NINL: variants seen among roughly 807,000 people sequenced by gnomAD.
NINL encodes ninein-like protein.
Under a neutral mutation model 160.3 loss-of-function variants are expected in NINL, and 153 were observed. The observed-to-expected ratio is 0.95, with a 90% CI of 0.84 to 1.09. The LOEUF is 1.09. Among genes scored for constraint, NINL ranks in the 50% least tolerant of loss-of-function variants. The pLI, the probability that NINL is intolerant of heterozygous loss-of-function variation, is 0.00. For missense variants in NINL, 1,829 were observed against 1,764.0 expected (o/e 1.04, Z -0.66); for synonymous variants, 800 against 734.8 (o/e 1.09, Z -1.43).
chr20:25,499,887 A>G (rs961039093), intron 8 of NINL, among the ~76,000 whole-genome samples: 50 of 149,208 alleles, frequency 3.4e-4, no homozygotes, highest in African/African-American at 1.2e-3. Context: ...CAGATTTATC[A>G]TAGGAAAAGC....
At chr20:25,551,747 G>C (rs965185594) in intron 1 of NINL, among the ~76,000 whole-genome samples, 1 of 152,206 alleles carries the variant, frequency 6.6e-6, no homozygotes, top group Non-Finnish European at 1.5e-5. Flanking sequence ...GGGAATGGAG[G>C]AGAGTCAAGC....
chr20:25,461,608 C>T lies in NINL; in HGVS notation c.3610G>A (p.Glu1204Lys), dbSNP rs780320692. The T allele has an allele frequency of 4.3e-6, 7 of 1,612,572 alleles. No homozygotes were observed. The African/African-American group carries it at 8.0e-5, about 18-fold the overall frequency. The change falls in exon 21 of 24, where the codon GAA becomes AAA. Residue 1204 changes from glutamate (E) to lysine (K), a missense_variant. By Grantham distance (56) the Glu-to-Lys change is moderately conservative (BLOSUM62 1). Transcript: ENST00000278886. Reference sequence around the variant, plus strand: ...TGTTCCTGATTCAGGCATTCAAGTTCAACTCTAAGTTTTTGGATTTGGTCA... The same window carrying T: ...TGTTCCTGATTCAGGCATTCAAGTTTAACTCTAAGTTTTTGGATTTGGTCA... The part of the protein sequence containing the change: ...QSDQIQKLRV[E>K]LECLNQEHQS...
chr20:25,512,830 C>T lies in NINL; in HGVS notation c.450+4G>A. ...AGCTGGGGTGGGAGAGGGGCCTGAC[C>T]CACCTCCACGCTCTCCAGAGACGCT... On this transcript the variant is annotated splice_donor_region_variant and intron_variant, in intron 4 of 23. Transcript: ENST00000278886. 1 of 1,605,262 alleles carries T rather than the reference C, an allele frequency of 6.2e-7. No individual in the cohort carries two copies. Among genetic ancestry groups the T allele is most frequent in the South Asian group, 1.1e-5 (1 of 90,312 alleles).
chr20:25,567,257 G>A (rs183625933), intron 1 of NINL, among the ~76,000 whole-genome samples: 40 of 152,300 alleles, frequency 2.6e-4, no homozygotes, highest in African/African-American at 9.4e-4. Context: ...GTGGTAGAGT[G>A]GAGGAAGAAC....
intron 15 of NINL, 97 bp from the exon 16 acceptor site, chr20:25,479,303 G>A (rs2063337697): frequency 1.4e-6 from 2 of 1,457,672 alleles, no homozygotes; most frequent in African/African-American, 1.4e-5. Context: ...GGCACAACGT[G>A]CAAAGACCGG....
At chr20:25,477,744 G>C (rs1012385308) in intron 16 of NINL, among the ~76,000 whole-genome samples, 2 of 152,172 alleles carry the variant, frequency 1.3e-5, no homozygotes, top group South Asian at 2.1e-4. Flanking sequence ...GGCTGCTAGA[G>C]ACAGCTCCGG....
intron 2 of NINL, among the ~76,000 whole-genome samples, chr20:25,520,578 C>T (rs566499252): frequency 6.6e-6 from 1 of 152,334 alleles, no homozygotes; most frequent in African/African-American, 2.4e-5. Context: ...GTCTTTGCCT[C>T]TGTATCCTTT....
At chr20:25,571,863 GTCTGAA>G (rs1303701859) in intron 1 of NINL, among the ~76,000 whole-genome samples, 1 of 67,468 alleles carries the variant, frequency 1.5e-5, no homozygotes, top group Non-Finnish European at 2.6e-5. Flanking sequence ...GTGAGACTCT[GTCTGAA>G]AAAAAAAAAA....
At chr20:25,505,184 T>A in intron 5 of NINL, 106 bp from the exon 6 acceptor site, 1 of 1,042,762 alleles carries the variant, frequency 9.6e-7, no homozygotes, top group African/African-American at 1.6e-5. Context: ...CGTGAATGAA[T>A]GTGGAGGACA....
chr20:25,573,242 A>G, intron 1 of NINL, among the ~76,000 whole-genome samples: 1 of 151,262 alleles, frequency 6.6e-6, no homozygotes, highest in East Asian at 1.9e-4. Context: ...GGCTGCAGTG[A>G]GCCGAGATCA....
At chr20:25,550,624 TCATAA>T (rs2064796444) in intron 1 of NINL, among the ~76,000 whole-genome samples, 1 of 152,048 alleles carries the variant, frequency 6.6e-6, no homozygotes. Flanking sequence ...GGACTGTGTG[TCATAA>T]ATAAGTTTAA....
chr20:25,488,513 C>T (rs999752320), intron 13 of NINL, among the ~76,000 whole-genome samples: 2 of 151,982 alleles, frequency 1.3e-5, no homozygotes, highest in African/African-American at 2.4e-5. Context: ...TGTGAGCCAC[C>T]GCACCCGGCC....
chr20:25,507,419 G>T (rs534742926), intron 5 of NINL, among the ~76,000 whole-genome samples: 1 of 152,282 alleles, frequency 6.6e-6, no homozygotes, highest in Non-Finnish European at 1.5e-5. Flanking sequence ...AACAGCTTGA[G>T]AATGAGGACA....
chr20:25,481,913 C>A lies in NINL; in HGVS notation c.1810+55G>T, dbSNP rs1601093054. 4 of 1,573,510 alleles carry A rather than the reference C, an allele frequency of 2.5e-6. No individual in the cohort carries two copies. In the East Asian group the frequency reaches 9.0e-5, roughly 36 times the overall value. On this transcript the variant is annotated intron_variant, in intron 14 of 23. Coordinates refer to ENST00000278886, the MANE Select transcript of NINL (RefSeq NM_025176.6). ...TCCACTCTCTTTTCCTGGCTCTGGG[C>A]CTTGTTGTCAACAGCAGGCCTTGGG...
chr20:25,520,570 C>T (rs1354161896), intron 2 of NINL, among the ~76,000 whole-genome samples: 2 of 152,214 alleles, frequency 1.3e-5, no homozygotes, highest in Non-Finnish European at 2.9e-5. Flanking sequence ...TATTGGGTGT[C>T]TTTGCCTCTG....
intron 4 of NINL, among the ~76,000 whole-genome samples, chr20:25,512,130 C>T (rs1465057829): frequency 6.6e-6 from 1 of 152,188 alleles, no homozygotes; most frequent in Non-Finnish European, 1.5e-5. Flanking sequence ...CAGGCACCTG[C>T]AGCAAATGAC....
chr20:25,558,683 T>C (rs181991373), intron 1 of NINL, among the ~76,000 whole-genome samples: 107 of 152,376 alleles, frequency 7.0e-4, no homozygotes, highest in African/African-American at 2.5e-3. Flanking sequence ...AGGTTGTTCT[T>C]TGCTCTTACA....
intron 10 of NINL, among the ~76,000 whole-genome samples, chr20:25,494,196 A>AC (rs2063701274): frequency 7.8e-6 from 1 of 128,564 alleles, no homozygotes; most frequent in Admixed American, 7.7e-5. Context: ...ACACTCAGCA[A>AC]CCCCACTCAG....
intron 1 of NINL, among the ~76,000 whole-genome samples, chr20:25,531,184 C>T (rs2064452652): frequency 6.6e-6 from 1 of 152,204 alleles, no homozygotes; most frequent in African/African-American, 2.4e-5. Flanking sequence ...CTGTTCTGCC[C>T]AGCTCACAGG....
Sources: gnomAD v4.1 joint callset for allele counts (sites outside exome capture counted in the v4.1 genomes callset) on GRCh38, gnomAD v4.1.1 for gene constraint, MANE v1.5 for transcripts, NCBI Gene and HGNC (gene_info 2026-07-23, HGNC 2026-07-21) for gene names.